Variants in KIAA0319L observed in about 807,000 individuals in gnomAD.
KIAA0319L encodes dyslexia-associated protein KIAA0319-like protein.
KIAA0319L carries 55 observed loss-of-function variants against 120.1 expected under a neutral mutation model. The observed-to-expected ratio is 0.46, with a 90% CI of 0.37 to 0.57. The LOEUF (loss-of-function observed/expected upper bound fraction) is 0.57, where lower values mean the gene tolerates loss of function less well. Ranked by LOEUF, KIAA0319L falls within the 20% of genes least tolerant of loss-of-function variation. The pLI is 0.00. For synonymous variants in KIAA0319L, 398 were observed against 471.9 expected (o/e 0.84, Z 2.03); for missense variants, 1,049 against 1,255.3 (o/e 0.84, Z 2.48).
chr1:35,517,544 C>T (rs1278218197), intron 2 of KIAA0319L, among the ~76,000 whole-genome samples: 1 of 152,146 alleles, frequency 6.6e-6, no homozygotes, highest in Admixed American at 6.5e-5. Flanking sequence ...CTTCCTTATA[C>T]CATATACAAA....
intron 17 of KIAA0319L, 150 bp from the exon 18 acceptor site, chr1:35,443,178 T>A: frequency 1.2e-6 from 1 of 837,416 alleles, no homozygotes; most frequent in Non-Finnish European, 1.8e-6. Context: ...GTGCCTGCCT[T>A]TCTCATCTCG....
intron 2 of KIAA0319L, among the ~76,000 whole-genome samples, chr1:35,517,368 T>G (rs138644249): frequency 6.6e-6 from 1 of 152,060 alleles, no homozygotes; most frequent in African/African-American, 2.4e-5. Context: ...AATTGGCACA[T>G]AGACCAACGG....
chr1:35,477,686 A>C (rs1173697097), intron 4 of KIAA0319L, among the ~76,000 whole-genome samples: 1 of 151,506 alleles, frequency 6.6e-6, no homozygotes, highest in East Asian at 1.9e-4. Flanking sequence ...AAAAAAAAAA[A>C]AACCTACAGT....
chr1:35,539,902 C>T (rs543312835), intron 2 of KIAA0319L, among the ~76,000 whole-genome samples: 1 of 152,306 alleles, frequency 6.6e-6, no homozygotes, highest in Non-Finnish European at 1.5e-5. Flanking sequence ...AGAAGTGAAA[C>T]TGAATCAATG....
At chr1:35,539,115 T>C (rs924956585) in intron 2 of KIAA0319L, among the ~76,000 whole-genome samples, 3 of 152,184 alleles carry the variant, frequency 2.0e-5, no homozygotes, top group African/African-American at 7.2e-5. Context: ...AGCAAAGCCC[T>C]GGAAACATAT....
intron 19 of KIAA0319L, 22 bp downstream of exon 19, chr1:35,442,224 T>A (rs760822086): frequency 5.1e-6 from 8 of 1,577,170 alleles, no homozygotes; most frequent in Non-Finnish European, 7.0e-6. Flanking sequence ...CCGAATGAAT[T>A]TCAAAGGAAA....
chr1:35,553,797 T>A (rs1171711413), intron 2 of KIAA0319L, among the ~76,000 whole-genome samples: 1 of 152,216 alleles, frequency 6.6e-6, no homozygotes, highest in Non-Finnish European at 1.5e-5. Context: ...GCAAGAGGCT[T>A]TACCCTGGTG....
chr1:35,523,540 T>A (rs1295290936), intron 2 of KIAA0319L, among the ~76,000 whole-genome samples: 1 of 152,170 alleles, frequency 6.6e-6, no homozygotes, highest in African/African-American at 2.4e-5. Flanking sequence ...ATGATGGGAC[T>A]TTGAAAGGAG....
chr1:35,439,295 T>C (rs1390100767), intron 20 of KIAA0319L: 1 of 152,252 alleles, frequency 6.6e-6, no homozygotes, highest in African/African-American at 2.4e-5. Context: ...CTCCCACTTA[T>C]CCAGGTCTCA....
chr1:35,465,227 G>C (rs1208325321), intron 7 of KIAA0319L, among the ~76,000 whole-genome samples: 1 of 152,236 alleles, frequency 6.6e-6, no homozygotes, highest in Non-Finnish European at 1.5e-5. Context: ...CTCAACGCCA[G>C]GCTGTGAAAG....
chr1:35,440,363 T>C (rs533308608), intron 20 of KIAA0319L: 1 of 152,362 alleles, frequency 6.6e-6, no homozygotes, highest in East Asian at 1.9e-4. Flanking sequence ...TAAAAATAGT[T>C]CTACTTGCAG....
At chr1:35,520,286 G>A (rs1027150346) in intron 2 of KIAA0319L, among the ~76,000 whole-genome samples, 7 of 151,944 alleles carry the variant, frequency 4.6e-5, no homozygotes, top group Non-Finnish European at 1.0e-4. Context: ...TTTTAGTAGA[G>A]ATGGGGTTTC....
At chr1:35,524,814 C>T (rs1489406852) in intron 2 of KIAA0319L, among the ~76,000 whole-genome samples, 2 of 152,174 alleles carry the variant, frequency 1.3e-5, no homozygotes, top group Non-Finnish European at 2.9e-5. Flanking sequence ...TATCCATCAC[C>T]ACAAGCATTT....
intron 2 of KIAA0319L, among the ~76,000 whole-genome samples, chr1:35,551,860 T>C (rs920248198): frequency 6.6e-6 from 1 of 152,138 alleles, no homozygotes; most frequent in African/African-American, 2.4e-5. Context: ...TGCACTTCTA[T>C]ACTTAATTAG....
intron 2 of KIAA0319L, among the ~76,000 whole-genome samples, chr1:35,512,272 A>C (rs900638113): frequency 1.3e-5 from 2 of 151,816 alleles, no homozygotes; most frequent in Non-Finnish European, 2.9e-5. Flanking sequence ...TGTCTCAAAA[A>C]AAATAAATAA....
chr1:35,438,835 T>C (rs1260939119), intron 20 of KIAA0319L: 2 of 151,942 alleles, frequency 1.3e-5, no homozygotes, highest in Non-Finnish European at 2.9e-5. Context: ...CTACCAAAAA[T>C]ACAAAACAAC....
At chr1:35,531,821 C>T (rs1646380824) in intron 2 of KIAA0319L, among the ~76,000 whole-genome samples, 1 of 152,142 alleles carries the variant, frequency 6.6e-6, no homozygotes, top group Admixed American at 6.5e-5. Context: ...TTGAAAGACT[C>T]GGGCCCTTAT....
chr1:35,552,376 C>A (rs1273411975), intron 2 of KIAA0319L, among the ~76,000 whole-genome samples: 2 of 152,034 alleles, frequency 1.3e-5, no homozygotes, highest in Non-Finnish European at 2.9e-5. Flanking sequence ...TCCAAAACAT[C>A]CCCTATGGTT....
upstream of KIAA0319L, chr1:35,557,472 C>G (rs1188448424): frequency 5.6e-6 from 2 of 354,158 alleles, no homozygotes; most frequent in Non-Finnish European, 1.1e-5. Context: ...GCCCTCCCGC[C>G]CCTCCCCCGG....
Sources: allele counts gnomAD v4.1 joint callset (sites outside exome capture counted in the v4.1 genomes callset), GRCh38; gene constraint gnomAD v4.1.1; transcripts MANE v1.5; gene names NCBI Gene and HGNC (gene_info 2026-07-23, HGNC 2026-07-21).